Variants in PCDHGB4 observed in about 807,000 individuals in gnomAD.
The protein encoded by PCDHGB4 is protocadherin gamma subfamily B, 4, also known as protocadherin gamma-B4.
PCDHGB4 carries 38 observed loss-of-function variants against 60.5 expected under a neutral mutation model. The ratio of observed to expected loss-of-function variants is 0.63; its 90% CI spans 0.48 to 0.82. The LOEUF (loss-of-function observed/expected upper bound fraction) is 0.82, where lower values mean the gene tolerates loss of function less well. Ranked by LOEUF, PCDHGB4 falls within the 40% of genes least tolerant of loss-of-function variation. The pLI, the probability that PCDHGB4 is intolerant of heterozygous loss-of-function variation, is 0.00. For synonymous variants in PCDHGB4, 456 were observed against 509.7 expected (o/e 0.89, Z 1.42); for missense variants, 1,109 against 1,209.6 (o/e 0.92, Z 1.23).
At chr5:141,500,840 C>G (rs1394248251) in intron 2 of PCDHGB4, among the ~76,000 whole-genome samples, 1 of 151,966 alleles carries the variant, frequency 6.6e-6, no homozygotes, top group Non-Finnish European at 1.5e-5. Context: ...TGCTAATGGG[C>G]TTTTGCTACA....
chr5:141,444,184 T>TG, intron 1 of PCDHGB4, among the ~76,000 whole-genome samples: 1 of 138,886 alleles, frequency 7.2e-6, no homozygotes, highest in South Asian at 2.4e-4. Flanking sequence ...TTTTTTTTTT[T>TG]TTTTGAGATG....
chr5:141,433,079 A>C, intron 1 of PCDHGB4: 1 of 1,614,208 alleles, frequency 6.2e-7, no homozygotes, highest in South Asian at 1.1e-5. Flanking sequence ...CCCCCAGCCC[A>C]ACTATGCAGA....
At chr5:141,457,071 C>T in intron 1 of PCDHGB4, among the ~76,000 whole-genome samples, 1 of 152,188 alleles carries the variant, frequency 6.6e-6, no homozygotes, top group Non-Finnish European at 1.5e-5. Context: ...TTGCCAGTAA[C>T]TATTATCCCT....
intron 1 of PCDHGB4, chr5:141,398,109 G>T: frequency 6.3e-7 from 1 of 1,594,204 alleles, no homozygotes; most frequent in Non-Finnish European, 8.5e-7. Context: ...TGGTGAGCAA[G>T]CTGAGGAGAG....
chr5:141,408,048 G>C, intron 1 of PCDHGB4: 1 of 1,245,698 alleles, frequency 8.0e-7, no homozygotes, highest in Non-Finnish European at 1.1e-6. Context: ...CTCCCACACA[G>C]AGCCTCCCGG....
chr5:141,419,846 G>T (rs1407937968), intron 1 of PCDHGB4: 2 of 1,614,066 alleles, frequency 1.2e-6, no homozygotes, highest in Non-Finnish European at 1.7e-6. Context: ...GCTGCACCTG[G>T]TGTTCGCAGA....
intron 1 of PCDHGB4, chr5:141,416,261 A>G (rs2096009073): frequency 6.6e-6 from 1 of 152,294 alleles, no homozygotes; most frequent in Non-Finnish European, 1.5e-5. Flanking sequence ...ACACTGCAGT[A>G]TCCTTTTTGC....
rs746903142 is a variant in PCDHGB4, at chr5:141,491,667, G to T, written c.2398-3140G>T. ...TGGCGCTGGAGCCTGACGCCATCCG[G>T]TCCCGCTCTAATACGCTGCGGGAGC... On this transcript the variant is annotated intron_variant, in intron 1 of 3. Coordinates refer to ENST00000519479, the MANE Select transcript of PCDHGB4 (RefSeq NM_003736.4). The surrounding 1 kb of genome is among the most constrained non-coding windows in gnomAD (Gnocchi z 6.9). 1.9e-6 allele frequency: 3 copies of T among 1,613,794 alleles called. No individual in the cohort carries two copies. Among genetic ancestry groups the T allele is most frequent in the Admixed American group, 1.7e-5 (1 of 60,032 alleles).
intron 1 of PCDHGB4, chr5:141,441,894 G>T: frequency 2.9e-6 from 1 of 347,862 alleles, no homozygotes; most frequent in Non-Finnish European, 5.6e-6. Context: ...CCAAGGTGGT[G>T]GCTGTAGACG....
At chr5:141,392,571 G>A (rs920993262) in intron 1 of PCDHGB4, 5 of 449,626 alleles carry the variant, frequency 1.1e-5, no homozygotes, top group African/African-American at 1.0e-4. Flanking sequence ...TAACTATTTA[G>A]GACTGTAAGC....
chr5:141,410,320 C>T (rs752279818), intron 1 of PCDHGB4: 54 of 1,613,880 alleles, frequency 3.3e-5, no homozygotes, highest in Non-Finnish European at 4.5e-5. Context: ...TCCTCCTCGC[C>T]GTGATTCTGG....
intron 1 of PCDHGB4, among the ~76,000 whole-genome samples, chr5:141,463,505 G>A (rs1213601894): frequency 7.3e-6 from 1 of 137,472 alleles, no homozygotes; most frequent in Non-Finnish European, 1.5e-5. Flanking sequence ...CTGGAGTGAC[G>A]TGGCGTGATC....
intron 1 of PCDHGB4, chr5:141,390,508 T>C (rs2092164423): frequency 5.1e-6 from 3 of 589,420 alleles, no homozygotes; most frequent in Non-Finnish European, 8.8e-6. Flanking sequence ...AGCTTAGATT[T>C]ATAAAGCAAT....
chr5:141,475,978 G>C, intron 1 of PCDHGB4: 1 of 1,010,712 alleles, frequency 9.9e-7, no homozygotes, highest in Non-Finnish European at 1.4e-6. Context: ...AGACTGAACA[G>C]CCGGCGAGCA....
At chr5:141,390,827 A>C (rs1026985432) in intron 1 of PCDHGB4, 1 of 164,666 alleles carries the variant, frequency 6.1e-6, no homozygotes, top group African/African-American at 2.4e-5. Flanking sequence ...TTTTATGTCC[A>C]TGGACCCCTT....
intron 1 of PCDHGB4, among the ~76,000 whole-genome samples, chr5:141,464,803 G>A (rs933573443): frequency 1.5e-4 from 23 of 152,092 alleles, no homozygotes; most frequent in African/African-American, 5.1e-4. Context: ...CAGTGATGCA[G>A]TCATAGCTCA....
intron 1 of PCDHGB4, chr5:141,398,003 A>C: frequency 1.4e-6 from 2 of 1,391,912 alleles, no homozygotes; most frequent in East Asian, 5.0e-5. Context: ...TCCTCGGAAA[A>C]AGAATCGTTT....
At chr5:141,403,153 C>T (rs2094362720) in intron 1 of PCDHGB4, 2 of 1,614,060 alleles carry the variant, frequency 1.2e-6, no homozygotes, top group Non-Finnish European at 1.7e-6. Flanking sequence ...TCCGCATCGT[C>T]TCTAGAGGTA....
At chr5:141,402,753 A>G (rs914241458) in intron 1 of PCDHGB4, among the ~76,000 whole-genome samples, 8 of 152,326 alleles carry the variant, frequency 5.3e-5, no homozygotes, top group Admixed American at 5.2e-4. Context: ...CTCTAAGCGA[A>G]AATCAGGACT....
Sources: allele counts gnomAD v4.1 joint callset (sites outside exome capture counted in the v4.1 genomes callset), GRCh38; gene constraint gnomAD v4.1.1; non-coding constraint Gnocchi (gnomAD v3.1); transcripts MANE v1.5; gene names NCBI Gene and HGNC (gene_info 2026-07-23, HGNC 2026-07-21).